LMAN1: variants seen among roughly 807,000 people sequenced by gnomAD.
LMAN1 encodes the protein lectin, mannose binding 1.
A neutral mutation model predicts 67.8 loss-of-function variants in LMAN1; 32 were observed. The observed-to-expected ratio is 0.47, with a 90% CI of 0.36 to 0.63. LMAN1 has a LOEUF of 0.63. LMAN1 is among the 30% of genes least tolerant of loss of function. The probability of loss-of-function intolerance (pLI) is 0.00; values close to 1 mark genes in which losing one functional copy is unlikely to be tolerated. For missense variants in LMAN1, 632 were observed against 628.2 expected (o/e 1.01, Z -0.06); for synonymous variants, 235 against 219.3 (o/e 1.07, Z -0.63).
At chr18:59,358,619 T>A (rs982476434) in intron 1 of LMAN1, among the ~76,000 whole-genome samples, 2 of 151,678 alleles carry the variant, frequency 1.3e-5, no homozygotes, top group African/African-American at 4.8e-5. Flanking sequence ...GTAAGGGGGC[T>A]TCTAGAACAT....
At chr18:59,355,118 A>G (rs1163685081) in intron 3 of LMAN1, among the ~76,000 whole-genome samples, 195 bp downstream of exon 3, 1 of 152,224 alleles carries the variant, frequency 6.6e-6, no homozygotes, top group Non-Finnish European at 1.5e-5. Context: ...AAGCTGATGT[A>G]CAAAAAATCA....
Position 59,349,241 on chromosome 18 carries a change from A to G in LMAN1, c.640-5T>C, listed in dbSNP as rs745449717. 6.8e-6 allele frequency: 11 copies of G among 1,611,584 alleles called. No individual in the cohort carries two copies. The highest frequency in any genetic ancestry group is 5.0e-5 in the Admixed American group (3 of 59,990). ...AAAGCCATTATTGATCATTACCTAG[A>G]AAGACATATCATAGCTATAGCTTTT... is the stretch of plus-strand genomic sequence containing the variant. On this transcript the variant is annotated splice_polypyrimidine_tract_variant and splice_region_variant and intron_variant, in intron 5 of 12. Transcript: ENST00000251047.
chr18:59,342,402 A>G (rs2144218963), intron 8 of LMAN1, among the ~76,000 whole-genome samples: 1 of 152,268 alleles, frequency 6.6e-6, no homozygotes, highest in Middle Eastern at 3.4e-3. Context: ...TGATGAACAA[A>G]GATGCAAAAA....
Position 59,354,559 on chromosome 18 carries a change from T to G in LMAN1, c.499A>C (p.Ile167Leu). ...TGGATTTGTCCATTGTTGCCTATAA[T>G]TACTATAGCAGGATTATTTTTCTAA... is the stretch of plus-strand genomic sequence containing the variant. ...DGKKNNPAIVIIGNNGQIHYD... is the reference protein window; with the variant it reads ...DGKKNNPAIVLIGNNGQIHYD... The change falls in exon 4 of 13, where the codon ATT becomes CTT. Residue 167 changes from isoleucine to leucine, a missense_variant. Coordinates refer to ENST00000251047, the MANE Select transcript of LMAN1 (RefSeq NM_005570.4). The G allele has an allele frequency of 2.0e-6, 3 of 1,501,202 alleles. No homozygotes were observed. The highest frequency in any genetic ancestry group is 2.8e-6 in the Non-Finnish European group (3 of 1,078,760). 93.0% of individuals were successfully genotyped at this position (1,501,202 alleles called of 1,614,324 possible).
intron 5 of LMAN1, among the ~76,000 whole-genome samples, chr18:59,350,685 C>T (rs1056194045): frequency 3.3e-5 from 5 of 151,942 alleles, no homozygotes; most frequent in Non-Finnish European, 7.4e-5. Flanking sequence ...TTAGTAGAGG[C>T]GGGGTTTCAC....
chr18:59,331,944 G>C (rs1026476232), intron 11 of LMAN1, among the ~76,000 whole-genome samples: 14 of 152,162 alleles, frequency 9.2e-5, no homozygotes, highest in African/African-American at 3.4e-4. Flanking sequence ...AAATTACATG[G>C]TTACCCTACC....
intron 8 of LMAN1, among the ~76,000 whole-genome samples, chr18:59,342,414 C>T (rs529843774): frequency 3.6e-4 from 55 of 152,116 alleles, no homozygotes; most frequent in African/African-American, 1.3e-3. Context: ...ATGCAAAAAT[C>T]CTCTACAGAA....
chr18:59,350,598 C>T (rs2144227978), intron 5 of LMAN1, among the ~76,000 whole-genome samples: 1 of 152,154 alleles, frequency 6.6e-6, no homozygotes, highest in South Asian at 2.1e-4. Context: ...GGGTTCACGC[C>T]ATTCTCCTGC....
At chr18:59,355,271 TA>T in intron 3 of LMAN1, 41 bp downstream of exon 3, 1 of 1,397,698 alleles carries the variant, frequency 7.2e-7, no homozygotes. Context: ...ACTCTGTTGA[TA>T]GATGTATTAA....
chr18:59,331,955 A>G (rs2070750206), intron 11 of LMAN1, among the ~76,000 whole-genome samples: 1 of 152,226 alleles, frequency 6.6e-6, no homozygotes, highest in Admixed American at 6.5e-5. Flanking sequence ...TTACCCTACC[A>G]ATGAACTACT....
intron 7 of LMAN1, 144 bp from the exon 8 acceptor site, chr18:59,346,195 G>C: frequency 2.5e-6 from 1 of 407,436 alleles, no homozygotes; most frequent in Non-Finnish European, 4.4e-6. Context: ...TTACTTAAAC[G>C]ATAGCAAATT....
chr18:59,349,668 C>T (rs1035049420), intron 5 of LMAN1, among the ~76,000 whole-genome samples: 11 of 152,118 alleles, frequency 7.2e-5, no homozygotes, highest in African/African-American at 2.4e-4. Flanking sequence ...GTAGTGAGCT[C>T]CTCTTAATTA....
chr18:59,336,220 C>T (rs149434206), intron 10 of LMAN1, among the ~76,000 whole-genome samples: 17 of 152,282 alleles, frequency 1.1e-4, no homozygotes, highest in African/African-American at 4.1e-4. Flanking sequence ...ATGAGCATAC[C>T]TAGTGCCCAA....
At position 59,346,066 on chromosome 18, in the gene LMAN1, T is replaced by G. The variant is rs772892234; in HGVS notation, c.823-15A>C. 6.3e-7 allele frequency: 1 copy of G among 1,591,390 alleles called. No individual in the cohort carries two copies. Among genetic ancestry groups the G allele is most frequent in the South Asian group, 1.1e-5 (1 of 88,056 alleles). Reference sequence around the variant, plus strand: ...TCTGGTGTGGGCTTTTTTTTGGAGTTTTGGAATAGATCATTAAAAAGATAA... The same window carrying G: ...TCTGGTGTGGGCTTTTTTTTGGAGTGTTGGAATAGATCATTAAAAAGATAA... On this transcript the variant is annotated splice_polypyrimidine_tract_variant and intron_variant, in intron 7 of 12. Coordinates refer to ENST00000251047, the MANE Select transcript of LMAN1 (RefSeq NM_005570.4).
chr18:59,351,128 A>T (rs1416773014), intron 5 of LMAN1, among the ~76,000 whole-genome samples: 1 of 152,198 alleles, frequency 6.6e-6, no homozygotes, highest in Non-Finnish European at 1.5e-5. Context: ...CTTCTTGAGC[A>T]CTTCACATTG....
chr18:59,359,011 A>C lies in LMAN1; in HGVS notation c.214+20T>G. On this transcript the variant is annotated intron_variant, in intron 1 of 12. Transcript: ENST00000251047. ...GAAGGGGGAGAGGAACCCGGCCCCC[A>C]GCCCTCTGCTCCGGCTTACTCCCCG... is the stretch of plus-strand genomic sequence containing the variant. The C allele has an allele frequency of 6.2e-7, 1 of 1,610,696 alleles. No homozygotes were observed. The highest frequency in any genetic ancestry group is 8.5e-7 in the Non-Finnish European group (1 of 1,177,670).
intron 1 of LMAN1, among the ~76,000 whole-genome samples, chr18:59,356,297 G>A (rs1447442163): frequency 4.3e-4 from 65 of 152,060 alleles, no homozygotes; most frequent in Admixed American, 4.1e-3. Flanking sequence ...TCCCTAAAAC[G>A]GTGGTTTACA....
intron 8 of LMAN1, among the ~76,000 whole-genome samples, chr18:59,343,024 A>T (rs975082971): frequency 6.6e-6 from 1 of 151,412 alleles, no homozygotes; most frequent in African/African-American, 2.4e-5. Flanking sequence ...TAGCAGACCA[A>T]ATCTAGAAGG....
intron 8 of LMAN1, among the ~76,000 whole-genome samples, chr18:59,344,730 C>A (rs1603395044): frequency 6.6e-6 from 1 of 152,066 alleles, no homozygotes; most frequent in South Asian, 2.1e-4. Context: ...CACTAAAACC[C>A]CAGACTTCAC....
Sources: allele counts gnomAD v4.1 joint callset (sites outside exome capture counted in the v4.1 genomes callset), GRCh38; gene constraint gnomAD v4.1.1; transcripts MANE v1.5; gene names NCBI Gene and HGNC (gene_info 2026-07-23, HGNC 2026-07-21).